ARHGAP32: variants seen among roughly 807,000 people sequenced by gnomAD.
The protein encoded by ARHGAP32 is Rho GTPase activating protein 32.
Under a neutral mutation model 186.5 loss-of-function variants are expected in ARHGAP32, and 51 were observed. The observed-to-expected ratio is 0.27, with a 90% CI of 0.22 to 0.35. The LOEUF (loss-of-function observed/expected upper bound fraction) is 0.35. Ranked by LOEUF, ARHGAP32 falls within the 10% of genes least tolerant of loss-of-function variation. The pLI is 1.00. For synonymous variants in ARHGAP32, 950 were observed against 964.3 expected (o/e 0.99, Z 0.27); for missense variants, 2,186 against 2,623.5 (o/e 0.83, Z 3.64).
chr11:129,167,746 T>C (rs1405584841), intron 1 of ARHGAP32, among the ~76,000 whole-genome samples: 2 of 152,034 alleles, frequency 1.3e-5, no homozygotes, highest in Admixed American at 6.5e-5. Context: ...TACTAATAGG[T>C]GAGGGATTTC....
chr11:129,159,590 A>G (rs1591659687), intron 2 of ARHGAP32, among the ~76,000 whole-genome samples: 1 of 147,320 alleles, frequency 6.8e-6, no homozygotes, highest in East Asian at 2.0e-4. Flanking sequence ...CCTACCTACC[A>G]AAAAAAAAAG....
rs147671896 is a variant in ARHGAP32 at position 129,007,812 on chromosome 11, C to T, written c.1046-9344G>A. On this transcript the variant is annotated intron_variant, in intron 11 of 22. Coordinates refer to ENST00000682385, the MANE Select transcript of ARHGAP32 (RefSeq NM_001378024.1). ...ACTTGCCTAGGAGTTGCAGTCCTTG[C>T]GGCCTAGACTGCTTTTCAAATTTAT... is the stretch of plus-strand genomic sequence containing the variant. Among the ~76,000 whole-genome samples, 44 of 152,252 alleles carry T rather than the reference C, an allele frequency of 2.9e-4. No homozygotes were observed. The East Asian group carries it at 7.3e-3, about 25-fold the overall frequency.
Position 128,970,643 on chromosome 11 carries a change from G to A in ARHGAP32, c.4570C>T (p.His1524Tyr), listed in dbSNP as rs1945339946. 6.2e-7 allele frequency: 1 copy of A among 1,614,044 alleles called. No homozygotes were observed. Among genetic ancestry groups the A allele is most frequent in the Non-Finnish European group, 8.5e-7 (1 of 1,180,032 alleles). The change falls in exon 23 of 23, where the codon CAT (histidine) becomes TAT (tyrosine). Residue 1524 changes from histidine to tyrosine, a missense_variant. This residue lies in a region of ARHGAP32 where 1,502 missense variants were observed against 1,570.0 expected (regional missense o/e 0.96). Transcript: ENST00000682385. The surrounding 1 kb of genome is among the most constrained non-coding windows in gnomAD (Gnocchi z 5.8). ...CQYRPQSVPP[H>Y]HNKLEQHQVY... is the part of the protein sequence containing the mutation. ...TGGTGCTGCTCCAATTTATTGTGAT[G>A]GGGAGGTACACTCTGGGGACGGTAC...
At chr11:129,088,773 T>C (rs1177947204) in intron 6 of ARHGAP32, among the ~76,000 whole-genome samples, 1 of 152,146 alleles carries the variant, frequency 6.6e-6, no homozygotes, top group African/African-American at 2.4e-5. Flanking sequence ...CTGGGCACAA[T>C]GGCTCATGCC....
At chr11:129,268,857 A>C (rs1324179368) in intron 1 of ARHGAP32, among the ~76,000 whole-genome samples, 2 of 152,068 alleles carry the variant, frequency 1.3e-5, no homozygotes, top group African/African-American at 4.8e-5. Context: ...CCATTTCTAA[A>C]AGTGACTCTA....
At chr11:129,235,447 T>C (rs1212874651) in intron 1 of ARHGAP32, among the ~76,000 whole-genome samples, 1 of 152,218 alleles carries the variant, frequency 6.6e-6, no homozygotes, top group Admixed American at 6.5e-5. Flanking sequence ...TGTCATCATC[T>C]GTAGCAAAAG....
intron 1 of ARHGAP32, among the ~76,000 whole-genome samples, chr11:129,180,379 T>C (rs1944029961): frequency 1.3e-5 from 2 of 152,154 alleles, no homozygotes; most frequent in South Asian, 4.1e-4. Flanking sequence ...AAAGGTTTTG[T>C]GTGTGCTAGA....
At chr11:129,238,776 CA>C in intron 1 of ARHGAP32, among the ~76,000 whole-genome samples, 1 of 137,054 alleles carries the variant, frequency 7.3e-6, no homozygotes, top group Non-Finnish European at 1.6e-5. Context: ...CACACACACA[CA>C]CACACCTCTA....
At chr11:129,237,360 AT>A (rs564942759) in intron 1 of ARHGAP32, among the ~76,000 whole-genome samples, 13 of 152,314 alleles carry the variant, frequency 8.5e-5, no homozygotes, top group African/African-American at 2.9e-4. Flanking sequence ...TTTACTGGTC[AT>A]TTGTTACATC....
intron 5 of ARHGAP32, among the ~76,000 whole-genome samples, chr11:129,105,426 A>G (rs1314378498): frequency 6.6e-6 from 1 of 152,222 alleles, no homozygotes; most frequent in East Asian, 1.9e-4. Context: ...GTGTTGAATG[A>G]GTATTCCAGT....
chr11:129,090,866 T>G (rs1344349660), intron 6 of ARHGAP32, among the ~76,000 whole-genome samples: 2 of 152,198 alleles, frequency 1.3e-5, no homozygotes, highest in Non-Finnish European at 2.9e-5. Context: ...AAATTTTATA[T>G]CTACTGTGAC....
At chr11:129,160,943 G>A (rs1294883595) in intron 2 of ARHGAP32, among the ~76,000 whole-genome samples, 1 of 152,136 alleles carries the variant, frequency 6.6e-6, no homozygotes, top group Non-Finnish European at 1.5e-5. Flanking sequence ...CATGGTACTG[G>A]TGCCAAAACA....
At position 129,064,873 on chromosome 11, in the gene ARHGAP32, T is replaced by C. The variant is rs1350102420; in HGVS notation, c.730A>G (p.Ile244Val). Reference sequence around the variant, plus strand: ...CAGGTAAGGGCGGGCCCACAGTTGATCTTGTTGCCAGCGATAGCTGAAAGG... The same window carrying C: ...CAGGTAAGGGCGGGCCCACAGTTGACCTTGTTGCCAGCGATAGCTGAAAGG... The part of the protein sequence containing the change: ...SRLSAIAGNK[I>V]NCGPALTWME... The change falls in exon 8 of 23, where the codon ATC becomes GTC. Residue 244 changes from isoleucine (I) to valine (V), a missense_variant. Physicochemically the swap from Ile to Val is conservative, Grantham distance 29. Coordinates refer to ENST00000682385, the MANE Select transcript of ARHGAP32 (RefSeq NM_001378024.1). The C allele has an allele frequency of 6.3e-7, 1 of 1,599,576 alleles. No individual in the cohort carries two copies. The highest frequency in any genetic ancestry group is 8.5e-7 in the Non-Finnish European group (1 of 1,173,040).
At chr11:128,973,803 G>A (rs895122666) in intron 21 of ARHGAP32, 4 of 508,098 alleles carry the variant, frequency 7.9e-6, no homozygotes, top group African/African-American at 5.8e-5. Context: ...AACTTGGAAG[G>A]CTACAATAAA....
intron 2 of ARHGAP32, among the ~76,000 whole-genome samples, chr11:129,129,079 G>A (rs1386227345): frequency 2.0e-5 from 3 of 151,574 alleles, no homozygotes; most frequent in South Asian, 2.1e-4. Context: ...CTGCCCCGCC[G>A]CCCCGTCTGG....
intron 1 of ARHGAP32, among the ~76,000 whole-genome samples, chr11:129,211,761 TAAGA>T (rs780817287): frequency 6.6e-6 from 1 of 152,180 alleles, no homozygotes; most frequent in Non-Finnish European, 1.5e-5. Flanking sequence ...GGCATTTACA[TAAGA>T]AAGAAAAATG....
At chr11:129,151,161 C>A (rs1220477493) in intron 2 of ARHGAP32, among the ~76,000 whole-genome samples, 1 of 152,132 alleles carries the variant, frequency 6.6e-6, no homozygotes, top group African/African-American at 2.4e-5. Flanking sequence ...ATAAAAGGAT[C>A]AATCTAACAA....
intron 11 of ARHGAP32, among the ~76,000 whole-genome samples, chr11:129,015,957 T>G (rs1439577542): frequency 6.6e-6 from 1 of 152,140 alleles, no homozygotes; most frequent in Non-Finnish European, 1.5e-5. Flanking sequence ...ATATGCTACT[T>G]TTCAACCATA....
At chr11:129,256,463 A>C (rs1210760051) in intron 1 of ARHGAP32, among the ~76,000 whole-genome samples, 2 of 152,124 alleles carry the variant, frequency 1.3e-5, no homozygotes, top group Non-Finnish European at 2.9e-5. Flanking sequence ...GTTTCAATAT[A>C]GATTATGTAG....
Sources: gnomAD v4.1 joint callset for allele counts (sites outside exome capture counted in the v4.1 genomes callset) on GRCh38, gnomAD v4.1.1 for gene constraint, gnomAD v4.1.1 regional missense constraint, Gnocchi (gnomAD v3.1) non-coding constraint, MANE v1.5 for transcripts, NCBI Gene and HGNC (gene_info 2026-07-23, HGNC 2026-07-21) for gene names.